HSD17B12: variants seen among roughly 807,000 people sequenced by gnomAD.
HSD17B12 encodes very-long-chain 3-oxoacyl-CoA reductase.
A neutral mutation model predicts 39.3 loss-of-function variants in HSD17B12; 32 were observed. That is an observed-to-expected ratio of 0.81 (90% CI 0.61 to 1.09). The LOEUF is 1.09. Among genes scored for constraint, HSD17B12 ranks in the 50% least tolerant of loss-of-function variants. HSD17B12 has a pLI of 0.00. For synonymous variants in HSD17B12, 150 were observed against 146.7 expected (o/e 1.02, Z -0.16); for missense variants, 342 against 382.9 (o/e 0.89, Z 0.89).
chr11:43,677,692 T>A (rs1475793727), upstream of HSD17B12, among the ~76,000 whole-genome samples: 2 of 20,204 alleles, frequency 9.9e-5, no homozygotes, highest in Non-Finnish European at 9.0e-4. Context: ...GAACATGTGG[T>A]GTTGGGTTTT....
chr11:43,582,790 G>A, the HSD17B12 span, among the ~76,000 whole-genome samples: 1 of 152,168 alleles, frequency 6.6e-6, no homozygotes, highest in South Asian at 2.1e-4. Context: ...CTAAGACTGT[G>A]AGAAGGCACG....
the HSD17B12 span, among the ~76,000 whole-genome samples, chr11:43,563,434 T>C: frequency 6.6e-6 from 1 of 152,220 alleles, no homozygotes; most frequent in Non-Finnish European, 1.5e-5. Flanking sequence ...TCCCATTCTG[T>C]TAAGAATTCT....
At chr11:43,638,089 A>G in the HSD17B12 span, among the ~76,000 whole-genome samples, 2 of 152,154 alleles carry the variant, frequency 1.3e-5, no homozygotes, top group South Asian at 2.1e-4. Context: ...GAGAGGCAGC[A>G]GTAACACATA....
At chr11:43,598,699 C>T in the HSD17B12 span, among the ~76,000 whole-genome samples, 4 of 152,180 alleles carry the variant, frequency 2.6e-5, no homozygotes, top group Admixed American at 6.6e-5. Flanking sequence ...CCTTCTGAAA[C>T]TTTTCTCATT....
At chr11:43,571,277 T>C in the HSD17B12 span, among the ~76,000 whole-genome samples, 1,054 of 152,324 alleles carry the variant, frequency 6.9e-3, 8 homozygotes, top group Non-Finnish European at 0.011. Flanking sequence ...CTAAACATGC[T>C]GCAGATTGTT....
At chr11:43,561,611 T>G in the HSD17B12 span, among the ~76,000 whole-genome samples, 2 of 152,004 alleles carry the variant, frequency 1.3e-5, no homozygotes, top group South Asian at 2.1e-4. Context: ...ACTTTGAGAG[T>G]TTTTGAGAGT....
At chr11:43,644,823 C>T in the HSD17B12 span, 1 of 152,300 alleles carries the variant, frequency 6.6e-6, no homozygotes, top group Admixed American at 6.5e-5. Context: ...TGAACTTTCC[C>T]CTCGTTTGCT....
intron 1 of HSD17B12, among the ~76,000 whole-genome samples, chr11:43,729,321 G>T (rs1200910169): frequency 2.0e-5 from 3 of 152,134 alleles, no homozygotes; most frequent in African/African-American, 7.2e-5. Flanking sequence ...CTTGTGAAGG[G>T]ATTGAAGGTG....
intron 1 of HSD17B12, among the ~76,000 whole-genome samples, chr11:43,709,800 G>C (rs1950048450): frequency 6.6e-6 from 1 of 152,198 alleles, no homozygotes; most frequent in Admixed American, 6.5e-5. Flanking sequence ...AAAAGGGAGA[G>C]AGTTGACCTG....
chr11:43,598,503 T>C, the HSD17B12 span, among the ~76,000 whole-genome samples: 1 of 152,138 alleles, frequency 6.6e-6, no homozygotes, highest in East Asian at 1.9e-4. Context: ...GGAAAGTATC[T>C]TTTTGTGGGC....
the HSD17B12 span, chr11:43,644,134 G>C: frequency 2.0e-5 from 3 of 152,266 alleles, no homozygotes; most frequent in Admixed American, 1.3e-4. Flanking sequence ...AAAGGGTGCA[G>C]GGCTCGCCAG....
the HSD17B12 span, chr11:43,672,914 T>C: frequency 6.6e-6 from 1 of 152,228 alleles, no homozygotes; most frequent in African/African-American, 2.4e-5. Flanking sequence ...TTGGGAAACC[T>C]CCCAATTTCT....
At chr11:43,574,120 TC>T in the HSD17B12 span, among the ~76,000 whole-genome samples, 15 of 152,342 alleles carry the variant, frequency 9.8e-5, no homozygotes, top group East Asian at 2.9e-3. Flanking sequence ...GTCCTCTGTC[TC>T]CCTTTAGTAG....
intron 2 of HSD17B12, among the ~76,000 whole-genome samples, chr11:43,752,208 A>G (rs1950471208): frequency 6.6e-6 from 1 of 152,182 alleles, no homozygotes; most frequent in Non-Finnish European, 1.5e-5. Context: ...CAGGAAGGCT[A>G]CACAGGTTTA....
At chr11:43,720,215 T>C (rs1457338278) in intron 1 of HSD17B12, among the ~76,000 whole-genome samples, 1 of 152,212 alleles carries the variant, frequency 6.6e-6, no homozygotes, top group Non-Finnish European at 1.5e-5. Flanking sequence ...TCCTCTAAAT[T>C]CTGCTTAAAA....
the HSD17B12 span, among the ~76,000 whole-genome samples, chr11:43,615,473 G>T: frequency 3.3e-5 from 5 of 152,094 alleles, no homozygotes; most frequent in Non-Finnish European, 7.3e-5. Flanking sequence ...TTTCTCTCTG[G>T]TGCCCAATAC....
intron 1 of HSD17B12, among the ~76,000 whole-genome samples, chr11:43,696,744 G>A (rs924359788): frequency 1.3e-5 from 2 of 152,082 alleles, no homozygotes; most frequent in African/African-American, 2.4e-5. Context: ...TTACAATAGC[G>A]AAGACATGGA....
chr11:43,839,344 G>GT (rs1165714281), intron 8 of HSD17B12, among the ~76,000 whole-genome samples: 2 of 152,070 alleles, frequency 1.3e-5, no homozygotes, highest in Non-Finnish European at 2.9e-5. Context: ...GAAGGGATTC[G>GT]TGAACTTCAA....
Position 43,838,307 on chromosome 11 carries a change from T to A in HSD17B12, c.537-10T>A. On this transcript the variant is annotated splice_polypyrimidine_tract_variant and intron_variant, in intron 7 of 10. Transcript: ENST00000278353. ...TTCACTCCTTTTACACGGTACATTTTCCTTTTTAGATCCAAAGGGGCTATT... is the reference window on the plus strand; with the variant it reads ...TTCACTCCTTTTACACGGTACATTTACCTTTTTAGATCCAAAGGGGCTATT... 1 of 1,603,770 alleles carries A rather than the reference T, an allele frequency of 6.2e-7. No homozygotes were observed. Among genetic ancestry groups the A allele is most frequent in the South Asian group, 1.1e-5 (1 of 90,844 alleles).
Sources: gnomAD v4.1 joint callset for allele counts (sites outside exome capture counted in the v4.1 genomes callset) on GRCh38, gnomAD v4.1.1 for gene constraint, MANE v1.5 for transcripts, NCBI Gene and HGNC (gene_info 2026-07-23, HGNC 2026-07-21) for gene names.